Variants in EML1 observed in about 807,000 individuals in gnomAD.
EML1 encodes the protein echinoderm microtubule-associated protein-like 1.
EML1 carries 27 observed loss-of-function variants against 110.4 expected under a neutral mutation model. The observed-to-expected ratio is 0.24, with a 90% CI of 0.18 to 0.34. EML1 has a LOEUF of 0.34. Ranked by LOEUF, EML1 falls within the 10% of genes least tolerant of loss-of-function variation. The probability of loss-of-function intolerance (pLI) is 1.00; values close to 1 mark genes in which losing one functional copy is unlikely to be tolerated. For missense variants in EML1, 741 were observed against 1,030.9 expected (o/e 0.72, Z 3.85); for synonymous variants, 344 against 385.8 (o/e 0.89, Z 1.27).
At chr14:99,932,514 C>A (rs1232532377) in intron 17 of EML1, among the ~76,000 whole-genome samples, 1 of 151,984 alleles carries the variant, frequency 6.6e-6, no homozygotes, top group Admixed American at 6.6e-5. Context: ...TGGCAGGCGC[C>A]TGTAATCCCA....
At chr14:99,746,701 C>G in intron 1 of EML1, among the ~76,000 whole-genome samples, 1 of 152,038 alleles carries the variant, frequency 6.6e-6, no homozygotes, top group East Asian at 1.9e-4. Context: ...GCCCTGGGCC[C>G]CCTCCACGCA....
intron 1 of EML1, among the ~76,000 whole-genome samples, chr14:99,786,092 C>T (rs973006978): frequency 2.7e-5 from 4 of 150,174 alleles, no homozygotes; most frequent in Non-Finnish European, 5.9e-5. Context: ...AATCAACACA[C>T]GCTTCAGTTG....
chr14:99,819,772 C>CGCACCG (rs1331725692), intron 1 of EML1, among the ~76,000 whole-genome samples: 3 of 152,180 alleles, frequency 2.0e-5, no homozygotes, highest in Non-Finnish European at 4.4e-5. Context: ...CCCAGCCTCT[C>CGCACCG]GCACCGAGCA....
At chr14:99,758,064 G>A (rs1012448043) in intron 1 of EML1, among the ~76,000 whole-genome samples, 1 of 152,100 alleles carries the variant, frequency 6.6e-6, no homozygotes, top group African/African-American at 2.4e-5. Flanking sequence ...CCGAACCCAG[G>A]GTCTCACTGA....
chr14:99,875,203 G>A (rs1485513331), intron 3 of EML1, among the ~76,000 whole-genome samples: 1 of 152,138 alleles, frequency 6.6e-6, no homozygotes, highest in Non-Finnish European at 1.5e-5. Context: ...ATTGCAGATG[G>A]TGTTAATTAG....
chr14:99,930,473 T>G (rs1225818046), intron 17 of EML1, among the ~76,000 whole-genome samples: 1 of 152,210 alleles, frequency 6.6e-6, no homozygotes, highest in Non-Finnish European at 1.5e-5. Flanking sequence ...CTAGAGAATT[T>G]CCATGGACCA....
intron 15 of EML1, chr14:99,915,506 C>T (rs8013843): frequency 0.23 from 35,569 of 151,454 alleles, 5,054 homozygotes; most frequent in Non-Finnish European, 0.32. Flanking sequence ...CCTTTCCCCA[C>T]GTGTATTACT....
At chr14:99,825,721 T>G (rs2058341235) in intron 1 of EML1, among the ~76,000 whole-genome samples, 1 of 152,202 alleles carries the variant, frequency 6.6e-6, no homozygotes, top group Admixed American at 6.5e-5. Context: ...ATTGCAAGTT[T>G]ACTGAGTTCA....
At chr14:99,922,541 G>A (rs769233250) in intron 17 of EML1, among the ~76,000 whole-genome samples, 3 of 152,122 alleles carry the variant, frequency 2.0e-5, no homozygotes, top group Non-Finnish European at 4.4e-5. Flanking sequence ...TTGACGGATT[G>A]TATGGTAAAC....
intron 1 of EML1, among the ~76,000 whole-genome samples, chr14:99,798,014 T>G (rs1169539325): frequency 2.0e-5 from 3 of 152,188 alleles, no homozygotes; most frequent in African/African-American, 7.2e-5. Context: ...CATGAGCATT[T>G]TCAAGAGACT....
chr14:99,912,894 A>G (rs1220685838), intron 13 of EML1, among the ~76,000 whole-genome samples: 1 of 152,216 alleles, frequency 6.6e-6, no homozygotes, highest in Non-Finnish European at 1.5e-5. Flanking sequence ...AATCTGTGCT[A>G]ACATGCCACA....
chr14:99,785,066 T>C (rs1284981084), intron 1 of EML1, among the ~76,000 whole-genome samples: 11 of 152,144 alleles, frequency 7.2e-5, no homozygotes, highest in Non-Finnish European at 1.3e-4. Context: ...TTCTTTTCTT[T>C]TTTTTCAAAT....
intron 1 of EML1, among the ~76,000 whole-genome samples, chr14:99,743,116 G>A (rs1442218278): frequency 7.2e-5 from 11 of 152,172 alleles, no homozygotes; most frequent in Non-Finnish European, 1.5e-4. Context: ...CCCAACCCAT[G>A]GGATCTCCAT....
At chr14:99,801,877 C>T (rs972202040) in intron 1 of EML1, among the ~76,000 whole-genome samples, 7 of 152,210 alleles carry the variant, frequency 4.6e-5, no homozygotes, top group Admixed American at 1.3e-4. Flanking sequence ...CATTATTACA[C>T]TGTTTTAGGG....
At chr14:99,937,774 G>T in intron 19 of EML1, 43 bp from the exon 20 acceptor site, 1 of 1,576,200 alleles carries the variant, frequency 6.3e-7, no homozygotes. Context: ...GGGGAGGGGT[G>T]GGGCCTTGGC....
chr14:99,878,762 G>A (rs2059337060), intron 4 of EML1, 143 bp downstream of exon 4: 1 of 1,265,208 alleles, frequency 7.9e-7, no homozygotes, highest in South Asian at 1.6e-5. Flanking sequence ...GGTATTTATA[G>A]GACTAATCAA....
At chr14:99,773,107 G>C (rs1035837477) in exon 1 of EML1, 1 of 152,142 alleles carries the variant, frequency 6.6e-6, no homozygotes, top group Non-Finnish European at 1.5e-5. Context: ...AAATCCTTCA[G>C]GGCTCAGGCC....
At chr14:99,814,478 C>G (rs935901359) in intron 1 of EML1, among the ~76,000 whole-genome samples, 1 of 152,012 alleles carries the variant, frequency 6.6e-6, no homozygotes. Context: ...TTGCCCAGAC[C>G]AGTCTCAAAC....
At chr14:99,910,441 G>T in intron 12 of EML1, 100 bp downstream of exon 12, 1 of 920,132 alleles carries the variant, frequency 1.1e-6, no homozygotes, top group South Asian at 1.7e-5. Context: ...ACGTACAGGA[G>T]TAGGATGAAA....
Sources: allele counts gnomAD v4.1 joint callset (sites outside exome capture counted in the v4.1 genomes callset), GRCh38; gene constraint gnomAD v4.1.1; transcripts MANE v1.5; gene names NCBI Gene and HGNC (gene_info 2026-07-23, HGNC 2026-07-21).